Variants in ABHD17C observed in about 807,000 individuals in gnomAD.
ABHD17C encodes abhydrolase domain containing 17C, depalmitoylase.
A neutral mutation model predicts 27.9 loss-of-function variants in ABHD17C; 11 were observed. The observed-to-expected ratio is 0.39, with a 90% CI of 0.25 to 0.65. The LOEUF (loss-of-function observed/expected upper bound fraction) is 0.65, where lower values mean the gene tolerates loss of function less well. Among genes scored for constraint, ABHD17C ranks in the 30% least tolerant of loss-of-function variants. ABHD17C has a pLI of 0.45. For missense variants in ABHD17C, 280 were observed against 470.2 expected (o/e 0.60, Z 3.74); for synonymous variants, 233 against 209.1 (o/e 1.11, Z -0.98).
intron 1 of ABHD17C, among the ~76,000 whole-genome samples, chr15:80,702,498 T>TC (rs1172014590): frequency 6.6e-6 from 1 of 152,184 alleles, no homozygotes; most frequent in Non-Finnish European, 1.5e-5. Flanking sequence ...AGCATTTTTT[T>TC]CCCCTGCAGA....
At chr15:80,709,518 T>G (rs1049015698) in intron 1 of ABHD17C, among the ~76,000 whole-genome samples, 7 of 151,458 alleles carry the variant, frequency 4.6e-5, no homozygotes, top group Non-Finnish European at 8.8e-5. Flanking sequence ...AACACACACA[T>G]GAAAAAGCTA....
intron 1 of ABHD17C, among the ~76,000 whole-genome samples, chr15:80,720,677 T>C (rs1029027223): frequency 2.6e-5 from 4 of 152,190 alleles, no homozygotes; most frequent in Non-Finnish European, 4.4e-5. Flanking sequence ...TCCCAGCTCT[T>C]TGGGAGGCCT....
chr15:80,729,892 A>C (rs1895034342), intron 1 of ABHD17C, among the ~76,000 whole-genome samples: 1 of 152,158 alleles, frequency 6.6e-6, no homozygotes, highest in Non-Finnish European at 1.5e-5. Context: ...CAGGAGGATC[A>C]TTTGAGGTCA....
At chr15:80,726,170 G>C (rs1220415118) in intron 1 of ABHD17C, among the ~76,000 whole-genome samples, 2 of 152,248 alleles carry the variant, frequency 1.3e-5, no homozygotes, top group Non-Finnish European at 2.9e-5. Flanking sequence ...GATCGCTCAT[G>C]CTATTGTTTG....
chr15:80,713,382 T>C (rs12917585), intron 1 of ABHD17C, among the ~76,000 whole-genome samples: 145 of 96,038 alleles, frequency 1.5e-3, no homozygotes, highest in African/African-American at 4.0e-3. Context: ...TTTTTTTTTT[T>C]CAAAATCAGC....
chr15:80,698,014 A>AT (rs1386971027), intron 1 of ABHD17C, among the ~76,000 whole-genome samples: 1 of 147,746 alleles, frequency 6.8e-6, no homozygotes, highest in Non-Finnish European at 1.5e-5. Context: ...CAAAACAGTA[A>AT]TTTTTCTATG....
Position 80,754,255 on chromosome 15 carries a change from C to G in ABHD17C, c.875C>G (p.Pro292Arg). The G allele has an allele frequency of 6.2e-7, 1 of 1,613,884 alleles. No homozygotes were observed. The highest frequency in any genetic ancestry group is 8.5e-7 in the Non-Finnish European group (1 of 1,179,864). ...GGCCTAGCGATGTACGAGCGCTGTC[C>G]CCGAGCCGTGGAGCCCCTTTGGGTT... ...SHGLAMYERC[P>R]RAVEPLWVEG... Residue 292 changes from proline (P) to arginine (R), a missense_variant, in exon 3 of 3, where the codon CCC becomes CGC. Pro to Arg is a moderately radical substitution (Grantham distance 103, BLOSUM62 -2). Coordinates refer to ENST00000258884, the MANE Select transcript of ABHD17C (RefSeq NM_021214.2).
chr15:80,726,542 T>C (rs1894980740), intron 1 of ABHD17C, among the ~76,000 whole-genome samples: 1 of 136,366 alleles, frequency 7.3e-6, no homozygotes, highest in South Asian at 2.5e-4. Context: ...GACGGAGCCT[T>C]GCTCTGTCGC....
chr15:80,715,337 C>G (rs1367687574), intron 1 of ABHD17C, among the ~76,000 whole-genome samples: 1 of 152,156 alleles, frequency 6.6e-6, no homozygotes, highest in African/African-American at 2.4e-5. Flanking sequence ...TAAACAGAAA[C>G]CTGGATAACT....
At chr15:80,700,791 C>T (rs55783511) in intron 1 of ABHD17C, among the ~76,000 whole-genome samples, 32,240 of 151,896 alleles carry the variant, frequency 0.21, 3,661 homozygotes, top group South Asian at 0.31. Flanking sequence ...GTTCCAGCTA[C>T]CCAGGAGGCT....
chr15:80,712,281 A>G (rs75667547), intron 1 of ABHD17C, among the ~76,000 whole-genome samples: 5,348 of 152,236 alleles, frequency 0.035, 316 homozygotes, highest in African/African-American at 0.12. Flanking sequence ...TAGGATTTGT[A>G]TTGAGAGCTC....
chr15:80,711,681 G>A (rs1461444732), intron 1 of ABHD17C, among the ~76,000 whole-genome samples: 1 of 152,208 alleles, frequency 6.6e-6, no homozygotes, highest in African/African-American at 2.4e-5. Flanking sequence ...CCTCCTGCCT[G>A]TCTATTTTCC....
intron 1 of ABHD17C, among the ~76,000 whole-genome samples, chr15:80,724,331 C>T (rs182943097): frequency 6.6e-6 from 1 of 152,182 alleles, no homozygotes; most frequent in Admixed American, 6.5e-5. Context: ...CTGTCTCCTC[C>T]TTCCCCGTCC....
At chr15:80,747,001 T>C (rs1034891308) in intron 1 of ABHD17C, among the ~76,000 whole-genome samples, 5 of 152,256 alleles carry the variant, frequency 3.3e-5, no homozygotes, top group Non-Finnish European at 7.3e-5. Context: ...AGTCTTTTAC[T>C]TTATTTTTGA....
chr15:80,752,602 G>A (rs1895379615), intron 2 of ABHD17C, among the ~76,000 whole-genome samples: 1 of 152,130 alleles, frequency 6.6e-6, no homozygotes, highest in Admixed American at 6.5e-5. Flanking sequence ...ACCCGGCTAT[G>A]GTAAATGTTT....
At chr15:80,707,446 T>G (rs1894662401) in intron 1 of ABHD17C, among the ~76,000 whole-genome samples, 2 of 152,204 alleles carry the variant, frequency 1.3e-5, no homozygotes, top group Admixed American at 6.5e-5. Flanking sequence ...AATTGTTTTC[T>G]TCTTTGGTGG....
chr15:80,713,848 T>C (rs62007951), intron 1 of ABHD17C, among the ~76,000 whole-genome samples: 23,893 of 150,790 alleles, frequency 0.16, 2,077 homozygotes, highest in African/African-American at 0.23. Flanking sequence ...CACAGCTGTA[T>C]GGCCTGGGTA....
intron 1 of ABHD17C, among the ~76,000 whole-genome samples, chr15:80,698,166 G>A (rs1316873075): frequency 2.7e-5 from 4 of 146,410 alleles, no homozygotes; most frequent in Non-Finnish European, 4.5e-5. Context: ...CCGGGTTCAC[G>A]CCATTCTCCT....
At chr15:80,746,221 TTC>T (rs1210178960) in intron 1 of ABHD17C, among the ~76,000 whole-genome samples, 1 of 151,956 alleles carries the variant, frequency 6.6e-6, no homozygotes, top group African/African-American at 2.4e-5. Context: ...TTTTTTCTCT[TTC>T]TCTGTCTTTC....
Sources: allele counts gnomAD v4.1 joint callset (sites outside exome capture counted in the v4.1 genomes callset), GRCh38; gene constraint gnomAD v4.1.1; transcripts MANE v1.5; gene names NCBI Gene and HGNC (gene_info 2026-07-23, HGNC 2026-07-21).